HIP1: variants seen among roughly 807,000 people sequenced by gnomAD.
HIP1 encodes huntingtin interacting protein 1, also known as huntingtin-interacting protein 1.
HIP1 carries 65 observed loss-of-function variants against 147.6 expected under a neutral mutation model. That is an observed-to-expected ratio of 0.44 (90% CI 0.36 to 0.54). The LOEUF is 0.54. HIP1 is among the 20% of genes least tolerant of loss of function. The pLI is 0.00. For missense variants in HIP1, 1,061 were observed against 1,299.6 expected (o/e 0.82, Z 2.82); for synonymous variants, 479 against 504.0 (o/e 0.95, Z 0.67).
intron 1 of HIP1, among the ~76,000 whole-genome samples, chr7:75,694,505 C>A (rs797043559): frequency 8.5e-6 from 1 of 117,544 alleles, no homozygotes; most frequent in Admixed American, 9.3e-5. Flanking sequence ...TTCTTTCTTT[C>A]TTTTTTTTTT....
intron 1 of HIP1, among the ~76,000 whole-genome samples, chr7:75,712,359 G>A (rs184985295): frequency 6.6e-6 from 1 of 152,122 alleles, no homozygotes; most frequent in Admixed American, 6.6e-5. Flanking sequence ...AGTGTTCCAG[G>A]CACTGACAAA....
chr7:75,631,245 A>C (rs1798208580), intron 1 of HIP1, among the ~76,000 whole-genome samples: 1 of 152,018 alleles, frequency 6.6e-6, no homozygotes, highest in African/African-American at 2.4e-5. Flanking sequence ...AAGCACTGGG[A>C]TTACAGGCAT....
intron 1 of HIP1, among the ~76,000 whole-genome samples, chr7:75,697,251 C>T (rs1393551195): frequency 6.6e-6 from 1 of 151,958 alleles, no homozygotes; most frequent in Non-Finnish European, 1.5e-5. Flanking sequence ...CTGATCTGTT[C>T]ATTTTTAAGC....
chr7:75,695,423 T>C (rs1800603441), intron 1 of HIP1, among the ~76,000 whole-genome samples: 1 of 152,210 alleles, frequency 6.6e-6, no homozygotes, highest in Admixed American at 6.6e-5. Context: ...GCATCCGCTA[T>C]ACCCAAACCT....
chr7:75,727,304 T>C (rs1801680237), intron 1 of HIP1, among the ~76,000 whole-genome samples: 1 of 150,018 alleles, frequency 6.7e-6, no homozygotes, highest in African/African-American at 2.4e-5. Flanking sequence ...CCATGTTGCT[T>C]AGGCTGGTCT....
chr7:75,617,800 G>A (rs1422624484), intron 1 of HIP1, among the ~76,000 whole-genome samples: 3 of 152,170 alleles, frequency 2.0e-5, no homozygotes, highest in Non-Finnish European at 4.4e-5. Context: ...AGGAAACCTT[G>A]GTTCTGCTTC....
chr7:75,656,433 G>A (rs201647285), intron 1 of HIP1, among the ~76,000 whole-genome samples: 76 of 134,090 alleles, frequency 5.7e-4, no homozygotes, highest in Admixed American at 6.9e-4. Context: ...TATAAACTTA[G>A]AAAAAAAAAA....
chr7:75,700,239 G>T (rs1554519088), intron 1 of HIP1, among the ~76,000 whole-genome samples: 1 of 152,168 alleles, frequency 6.6e-6, no homozygotes, highest in Non-Finnish European at 1.5e-5. Context: ...TGCTACTGTG[G>T]TTATGAAAGT....
At chr7:75,580,010 C>T (rs1795981682) in intron 7 of HIP1, among the ~76,000 whole-genome samples, 1 of 152,106 alleles carries the variant, frequency 6.6e-6, no homozygotes, top group African/African-American at 2.4e-5. Flanking sequence ...AGAAGGGGAC[C>T]AGCTGAGGCT....
intron 8 of HIP1, among the ~76,000 whole-genome samples, chr7:75,573,299 C>A (rs1795714647): frequency 6.6e-6 from 1 of 152,184 alleles, no homozygotes; most frequent in Admixed American, 6.5e-5. Context: ...CACTCCATGG[C>A]CTCTTTTCTG....
intron 1 of HIP1, among the ~76,000 whole-genome samples, chr7:75,691,255 C>T (rs1554518129): frequency 1.4e-5 from 2 of 143,032 alleles, no homozygotes; most frequent in African/African-American, 5.2e-5. Context: ...CTGGGAGGCC[C>T]GGGCAGGAGG....
At chr7:75,615,591 A>G (rs1797626963) in intron 1 of HIP1, among the ~76,000 whole-genome samples, 1 of 152,090 alleles carries the variant, frequency 6.6e-6, no homozygotes, top group Admixed American at 6.6e-5. Flanking sequence ...TCAAAGGGAC[A>G]AAGACTGTAC....
Position 75,568,401 on chromosome 7 carries a change from C to T in HIP1, c.746-145G>A, listed in dbSNP as rs587640068. ...GGCCACGACTGGCCTAGAGCTGTCC[C>T]GAGGTCTGGTAACCAAGGGAGCCCA... On this transcript the variant is annotated intron_variant, in intron 8 of 30. Coordinates refer to ENST00000336926, the MANE Select transcript of HIP1 (RefSeq NM_005338.7). The surrounding 1 kb of genome is among the most constrained non-coding windows in gnomAD (Gnocchi z 4.1). 42 of 664,378 alleles carry T rather than the reference C, an allele frequency of 6.3e-5. No individual in the cohort carries two copies. Among genetic ancestry groups the T allele is most frequent in the Non-Finnish European group, 9.7e-5 (35 of 362,098 alleles). 41.2% of individuals were successfully genotyped at this position (664,378 alleles called of 1,614,324 possible). A position where few individuals can be genotyped will look rare whatever the true frequency, so the allele number is the denominator to read the frequency against.
At chr7:75,610,569 CT>C (rs1194360047) in intron 1 of HIP1, among the ~76,000 whole-genome samples, 1 of 151,734 alleles carries the variant, frequency 6.6e-6, no homozygotes, top group Non-Finnish European at 1.5e-5. Context: ...TGAGTATTAC[CT>C]TCCCTCCCTA....
At chr7:75,542,679 A>G (rs1794379548) in intron 28 of HIP1, among the ~76,000 whole-genome samples, 172 bp downstream of exon 28, 1 of 152,206 alleles carries the variant, frequency 6.6e-6, no homozygotes, top group Non-Finnish European at 1.5e-5. Context: ...AGCCTGGGCG[A>G]CAGAGTGAGA....
intron 1 of HIP1, among the ~76,000 whole-genome samples, chr7:75,682,262 C>T (rs1405913247): frequency 6.7e-6 from 1 of 149,026 alleles, no homozygotes; most frequent in Non-Finnish European, 1.5e-5. Context: ...AGCCTATCAT[C>T]ATTTTTTTTT....
Position 75,720,833 on chromosome 7 carries a change from G to A in HIP1, c.120+17968C>T, listed in dbSNP as rs570733875. Among the ~76,000 whole-genome samples, 52 of 152,076 alleles carry A rather than the reference G, an allele frequency of 3.4e-4. 2 individuals are homozygous for A. The South Asian group carries it at 0.01, about 30-fold the overall frequency. On this transcript the variant is annotated intron_variant, in intron 1 of 30. Transcript: ENST00000336926. ...GTGGGCGGATCACCTGAGGTCGGGA[G>A]TTCAAAACCAGCCTCACCAACATGG...
At chr7:75,669,662 G>C (rs918726561) in intron 1 of HIP1, among the ~76,000 whole-genome samples, 1 of 152,098 alleles carries the variant, frequency 6.6e-6, no homozygotes, top group Non-Finnish European at 1.5e-5. Context: ...TCTACTTTCT[G>C]TCTCCATGGA....
At chr7:75,691,090 A>G (rs1800437928) in intron 1 of HIP1, among the ~76,000 whole-genome samples, 1 of 152,184 alleles carries the variant, frequency 6.6e-6, no homozygotes, top group South Asian at 2.1e-4. Context: ...CATTACGGGA[A>G]TGGAGTTCTG....
Sources: gnomAD v4.1 joint callset for allele counts (sites outside exome capture counted in the v4.1 genomes callset) on GRCh38, gnomAD v4.1.1 for gene constraint, Gnocchi (gnomAD v3.1) non-coding constraint, MANE v1.5 for transcripts, NCBI Gene and HGNC (gene_info 2026-07-23, HGNC 2026-07-21) for gene names.